Variants in XIRP2 observed in about 807,000 individuals in gnomAD.
XIRP2 encodes xin actin-binding repeat-containing protein 2.
A neutral mutation model predicts 277.0 loss-of-function variants in XIRP2; 236 were observed. The observed-to-expected ratio is 0.85, with a 90% CI of 0.77 to 0.95. The LOEUF is 0.95. Among genes scored for constraint, XIRP2 ranks in the 40% least tolerant of loss-of-function variants. XIRP2 has a pLI of 0.00. For synonymous variants in XIRP2, 1,490 were observed against 1,416.5 expected, an observed-to-expected ratio of 1.05 and a Z score of -1.17; for missense variants, 4,640 against 4,157.5, an observed-to-expected ratio of 1.12 and a Z score of -3.19.
At chr2:167,161,347 C>G (rs7561502) in intron 3 of XIRP2, among the ~76,000 whole-genome samples, 15,068 of 152,326 alleles carry the variant, frequency 0.099, 802 homozygotes, top group South Asian at 0.16. Flanking sequence ...TTTCCCTTCT[C>G]CACTGCCCTA....
At chr2:167,221,772 G>C (rs1187999115) in intron 5 of XIRP2, among the ~76,000 whole-genome samples, 4 of 152,114 alleles carry the variant, frequency 2.6e-5, no homozygotes, top group African/African-American at 4.8e-5. Context: ...GAAAGTCCTT[G>C]AGATTTATTT....
chr2:166,948,176 TACA>T, intron 2 of XIRP2, among the ~76,000 whole-genome samples: 1 of 152,220 alleles, frequency 6.6e-6, no homozygotes, highest in African/African-American at 2.4e-5. Context: ...CAGTAGAATG[TACA>T]ACAACATCAA....
intron 2 of XIRP2, among the ~76,000 whole-genome samples, chr2:167,044,033 A>T (rs1164151551): frequency 1.3e-5 from 2 of 152,084 alleles, no homozygotes; most frequent in Non-Finnish European, 2.9e-5. Flanking sequence ...TCAACAAAGT[A>T]CTAGCAAATT....
chr2:167,016,308 A>G (rs1687827002), intron 2 of XIRP2, among the ~76,000 whole-genome samples: 1 of 151,916 alleles, frequency 6.6e-6, no homozygotes, highest in Non-Finnish European at 1.5e-5. Context: ...GGTAAAGACT[A>G]TTCTCTGTCC....
At chr2:167,156,083 C>A (rs1350712314) in intron 3 of XIRP2, among the ~76,000 whole-genome samples, 1 of 151,160 alleles carries the variant, frequency 6.6e-6, no homozygotes, top group Non-Finnish European at 1.5e-5. Context: ...AACCACTGCT[C>A]AATGAAATAA....
intron 3 of XIRP2, among the ~76,000 whole-genome samples, chr2:167,179,663 C>T (rs1692955551): frequency 6.8e-6 from 1 of 146,544 alleles, no homozygotes; most frequent in Non-Finnish European, 1.5e-5. Flanking sequence ...TTTTTTGAGA[C>T]AGGGTCTTGC....
In XIRP2 at chr2:167,259,327, G is replaced by T. The variant is rs537340388; in HGVS notation, c.*1510G>T. 6 of 1,611,406 alleles carry T rather than the reference G, an allele frequency of 3.7e-6. No homozygotes were observed. In the Admixed American group the frequency reaches 1.0e-4, roughly 27 times the overall value. On this transcript the variant is annotated 3_prime_UTR_variant, in exon 11 of 11. Transcript: ENST00000409195. ...CAGAACAACTCACGGTGGAAGAGCA[G>T]ATTAAAAGAAACAGGTGCTACAGTG...
intron 3 of XIRP2, among the ~76,000 whole-genome samples, chr2:167,201,218 GAAA>G (rs1559018160): frequency 1.7e-4 from 17 of 101,694 alleles, no homozygotes; most frequent in Non-Finnish European, 2.7e-4. Context: ...AAGAAAGAAA[GAAA>G]GAAAGAAAGA....
At chr2:166,915,349 A>G (rs1684840730) in intron 2 of XIRP2, among the ~76,000 whole-genome samples, 1 of 151,458 alleles carries the variant, frequency 6.6e-6, no homozygotes, top group Non-Finnish European at 1.5e-5. Flanking sequence ...AAAGGAACCT[A>G]TGAACACAAA....
In XIRP2 at chr2:167,127,867, G is replaced by A. The variant is rs150728904; in HGVS notation, c.409-8042G>A. 3.9e-5 allele frequency among the ~76,000 whole-genome samples: 6 copies of A among 152,310 alleles called. No individual in the cohort carries two copies. In the East Asian group the frequency reaches 1.2e-3, roughly 29 times the overall value. On this transcript the variant is annotated intron_variant, in intron 2 of 10. Coordinates refer to ENST00000409195, the MANE Select transcript of XIRP2 (RefSeq NM_152381.6). The stretch of plus-strand genomic sequence containing the variant: ...TTATGCATGAAATTAACATAGGGAG[G>A]TACAGAGAAGTATATGCTTGTTGGG...
chr2:166,932,485 G>A (rs1344546214), intron 2 of XIRP2, among the ~76,000 whole-genome samples: 2 of 152,020 alleles, frequency 1.3e-5, no homozygotes, highest in East Asian at 3.9e-4. Flanking sequence ...AAAGTGCTTG[G>A]ATTACAGGTA....
At chr2:167,007,964 G>A (rs979279993) in intron 2 of XIRP2, among the ~76,000 whole-genome samples, 19 of 151,536 alleles carry the variant, frequency 1.3e-4, no homozygotes, top group African/African-American at 4.6e-4. Context: ...ATGCTTTGTT[G>A]AATATTTTCT....
intron 3 of XIRP2, among the ~76,000 whole-genome samples, chr2:167,152,883 G>A (rs571844733): frequency 6.6e-5 from 10 of 152,048 alleles, no homozygotes; most frequent in Non-Finnish European, 1.3e-4. Flanking sequence ...AAGGTGGGTG[G>A]TTCTGTACCA....
chr2:167,069,535 G>A (rs1313667466), intron 2 of XIRP2, among the ~76,000 whole-genome samples: 5 of 152,076 alleles, frequency 3.3e-5, no homozygotes, highest in African/African-American at 7.2e-5. Context: ...CTTTCCAGAA[G>A]CTTTGTGTTC....
chr2:167,005,091 C>T (rs1215247416), intron 2 of XIRP2, among the ~76,000 whole-genome samples: 1 of 151,680 alleles, frequency 6.6e-6, no homozygotes, highest in Admixed American at 6.6e-5. Context: ...TAAAAAGTTC[C>T]ATGGTGGGGG....
intron 2 of XIRP2, among the ~76,000 whole-genome samples, chr2:166,909,393 T>G (rs1472082429): frequency 2.0e-5 from 3 of 152,182 alleles, no homozygotes; most frequent in Non-Finnish European, 4.4e-5. Context: ...GAATGGGAGT[T>G]CACTCATGAT....
chr2:167,247,705 C>G lies in XIRP2; in HGVS notation c.6313C>G (p.Leu2105Val), dbSNP rs1035322899. ...TKESDRAVRE[L>V]KKDDVFNSIQ... ...AGAATCAGACAGGGCAGTGAGAGAG[C>G]TGAAGAAGGATGATGTCTTTAATTC... is the stretch of plus-strand genomic sequence containing the variant. The change falls in exon 9 of 11, where the codon CTG becomes GTG. Residue 2105 changes from leucine to valine, a missense_variant. By Grantham distance (32) the Leu-to-Val change is conservative. Transcript: ENST00000409195. 6.2e-7 allele frequency: 1 copy of G among 1,613,548 alleles called. No homozygotes were observed.
chr2:167,053,271 A>G (rs973227351), intron 2 of XIRP2, among the ~76,000 whole-genome samples: 13 of 152,232 alleles, frequency 8.5e-5, no homozygotes, highest in African/African-American at 3.1e-4. Context: ...TAAAACTTTA[A>G]TGAATATTTT....
chr2:167,149,809 A>G (rs759991363), intron 3 of XIRP2, among the ~76,000 whole-genome samples: 5 of 152,110 alleles, frequency 3.3e-5, no homozygotes, highest in Non-Finnish European at 5.9e-5. Context: ...TGTTGCAATA[A>G]TATATTAGCT....
Sources: gnomAD v4.1 joint callset for allele counts (sites outside exome capture counted in the v4.1 genomes callset) on GRCh38, gnomAD v4.1.1 for gene constraint, MANE v1.5 for transcripts, NCBI Gene and HGNC (gene_info 2026-07-23, HGNC 2026-07-21) for gene names.